Variants in MARCHF1 observed in about 807,000 individuals in gnomAD.
MARCHF1 encodes membrane associated ring-CH-type finger 1, also known as E3 ubiquitin-protein ligase MARCHF1.
MARCHF1 carries 40 observed loss-of-function variants against 54.2 expected under a neutral mutation model. The ratio of observed to expected loss-of-function variants is 0.74; its 90% CI spans 0.57 to 0.96. MARCHF1 has a LOEUF of 0.96. Among genes scored for constraint, MARCHF1 ranks in the 40% least tolerant of loss-of-function variants. The probability of loss-of-function intolerance (pLI) is 0.00; values close to 1 mark genes in which losing one functional copy is unlikely to be tolerated. For missense variants in MARCHF1, 586 were observed against 656.5 expected (o/e 0.89, Z 1.17); for synonymous variants, 236 against 236.3 (o/e 1.00, Z 0.01).
At chr4:164,298,472 A>G (rs1734468503) in intron 1 of MARCHF1, among the ~76,000 whole-genome samples, 1 of 152,048 alleles carries the variant, frequency 6.6e-6, no homozygotes. Context: ...ATTACAACCT[A>G]ATTTGTAGCC....
chr4:163,767,567 C>T (rs1438418221), intron 4 of MARCHF1, among the ~76,000 whole-genome samples: 1 of 152,102 alleles, frequency 6.6e-6, no homozygotes, highest in African/African-American at 2.4e-5. Context: ...ATCTCCTGAC[C>T]TCATGATCCG....
chr4:163,651,394 A>C lies in MARCHF1; in HGVS notation c.163-38001T>G, dbSNP rs576257262. 1.3e-3 allele frequency among the ~76,000 whole-genome samples: 195 copies of C among 151,988 alleles called. 2 individuals carry two copies. The highest frequency in any genetic ancestry group is 2.3e-3 in the Non-Finnish European group (154 of 67,866). On this transcript the variant is annotated intron_variant, in intron 5 of 9. Transcript: ENST00000514618. ...CTGTTTCATATTTTCCCCTGGTTCC[A>C]AAGGTCATCAGTTTACCTTCTGGGA...
rs540167297 is a variant in MARCHF1, at chr4:163,867,282, G to A, written c.-38-13113C>T. On this transcript the variant is annotated intron_variant, in intron 3 of 9. Transcript: ENST00000514618. ...TTTTAAACTATGATATTTACATAAA[G>A]TGATGACAAAAAGAGATAAAGTACT... 2.6e-5 allele frequency among the ~76,000 whole-genome samples: 4 copies of A among 151,906 alleles called. No homozygotes were observed. In the East Asian group the frequency reaches 7.7e-4, roughly 29 times the overall value.
chr4:163,756,860 A>AAGC (rs1234055362), intron 4 of MARCHF1, among the ~76,000 whole-genome samples: 1 of 152,100 alleles, frequency 6.6e-6, no homozygotes. Flanking sequence ...TCTAAAGAAA[A>AAGC]AGCAGAAATA....
At chr4:163,849,570 G>A (rs1391866471) in intron 4 of MARCHF1, among the ~76,000 whole-genome samples, 1 of 152,150 alleles carries the variant, frequency 6.6e-6, no homozygotes, top group African/African-American at 2.4e-5. Context: ...TAAGAAGATT[G>A]TATGTTTCAT....
At chr4:163,582,304 G>T (rs1434492888) in intron 8 of MARCHF1, among the ~76,000 whole-genome samples, 6 of 152,208 alleles carry the variant, frequency 3.9e-5, no homozygotes, top group Non-Finnish European at 7.4e-5. Flanking sequence ...AGGTAGCTGG[G>T]CTACTGACTT....
chr4:163,679,830 G>C (rs1744041504), intron 5 of MARCHF1, among the ~76,000 whole-genome samples: 1 of 151,844 alleles, frequency 6.6e-6, no homozygotes, highest in Non-Finnish European at 1.5e-5. Flanking sequence ...TCGATCTCCT[G>C]ACCTCGTGAT....
chr4:163,900,351 T>TAAG, intron 3 of MARCHF1, among the ~76,000 whole-genome samples: 1 of 150,600 alleles, frequency 6.6e-6, no homozygotes, highest in Admixed American at 6.6e-5. Flanking sequence ...TTTTTTTTTT[T>TAAG]AAAAAAACTC....
intron 1 of MARCHF1, among the ~76,000 whole-genome samples, chr4:164,354,784 A>C (rs1329996435): frequency 9.2e-6 from 1 of 108,276 alleles, no homozygotes; most frequent in Non-Finnish European, 1.8e-5. Context: ...CAGGAGAAGG[A>C]AATAAAGGGT....
intron 6 of MARCHF1, 104 bp from the exon 7 acceptor site, chr4:163,613,142 GATAA>G: frequency 8.1e-7 from 1 of 1,241,146 alleles, no homozygotes; most frequent in Non-Finnish European, 1.1e-6. Flanking sequence ...ACCAGAAGTA[GATAA>G]ATAAAGATCA....
intron 4 of MARCHF1, among the ~76,000 whole-genome samples, chr4:163,701,410 C>A (rs1022594738): frequency 2.0e-5 from 3 of 152,146 alleles, no homozygotes; most frequent in Middle Eastern, 6.8e-3. Context: ...TCAATTAAAA[C>A]TTAAAACTTT....
chr4:164,082,572 G>A (rs1191587329), intron 2 of MARCHF1, among the ~76,000 whole-genome samples: 1 of 152,060 alleles, frequency 6.6e-6, no homozygotes, highest in Admixed American at 6.5e-5. Flanking sequence ...TTTCTAGAAG[G>A]CATATATACA....
chr4:163,707,347 G>T (rs1488666385), intron 4 of MARCHF1, among the ~76,000 whole-genome samples: 1 of 151,962 alleles, frequency 6.6e-6, no homozygotes, highest in Non-Finnish European at 1.5e-5. Flanking sequence ...AACTGCTTTT[G>T]TCTATTCACA....
At chr4:164,347,820 C>A (rs571271981) in intron 1 of MARCHF1, among the ~76,000 whole-genome samples, 2 of 152,058 alleles carry the variant, frequency 1.3e-5, no homozygotes, top group South Asian at 4.2e-4. Flanking sequence ...CTCAAAGAAA[C>A]AAAATGAAAA....
chr4:164,250,484 T>C (rs1373237575), intron 1 of MARCHF1, among the ~76,000 whole-genome samples: 3 of 152,082 alleles, frequency 2.0e-5, no homozygotes, highest in Non-Finnish European at 4.4e-5. Context: ...TCTTATTGTG[T>C]AAACTGGGTG....
At chr4:164,249,283 A>G (rs1733053335) in intron 1 of MARCHF1, among the ~76,000 whole-genome samples, 1 of 152,070 alleles carries the variant, frequency 6.6e-6, no homozygotes, top group South Asian at 2.1e-4. Flanking sequence ...AAGTGACTTG[A>G]AGTCACTAGA....
At chr4:164,185,811 A>C (rs28462207) in intron 1 of MARCHF1, among the ~76,000 whole-genome samples, 3,736 of 22,638 alleles carry the variant, frequency 0.17, 65 homozygotes, top group South Asian at 0.27. Context: ...CACACACACA[A>C]AAAAAAAAAC....
Position 163,568,297 on chromosome 4 carries a change from T to C in MARCHF1, c.1191+17452A>G, listed in dbSNP as rs1049999997. On this transcript the variant is annotated intron_variant, in intron 8 of 9. Transcript: ENST00000514618. ...TTCAAGGGATCCATGCAGTCAAAAC[T>C]AATGATAATTCTTTGTTTTTTATTT... Among the ~76,000 whole-genome samples, 5 of 152,148 alleles carry C rather than the reference T, an allele frequency of 3.3e-5. No individual in the cohort carries two copies. The East Asian group carries it at 9.6e-4, about 29-fold the overall frequency.
At chr4:164,189,885 G>A (rs1731078648) in intron 1 of MARCHF1, 41 of 1,582,768 alleles carry the variant, frequency 2.6e-5, no homozygotes, top group Non-Finnish European at 3.6e-5. Context: ...TGAGATAGAT[G>A]TGAATGGTAT....
Sources: allele counts gnomAD v4.1 joint callset (sites outside exome capture counted in the v4.1 genomes callset), GRCh38; gene constraint gnomAD v4.1.1; transcripts MANE v1.5; gene names NCBI Gene and HGNC (gene_info 2026-07-23, HGNC 2026-07-21).